ASIC2: variants seen among roughly 807,000 people sequenced by gnomAD.
The protein encoded by ASIC2 is acid-sensing ion channel 2.
Under a neutral mutation model 57.3 loss-of-function variants are expected in ASIC2, and 25 were observed. The observed-to-expected ratio is 0.44, with a 90% CI of 0.32 to 0.61. The LOEUF is 0.61. Among genes scored for constraint, ASIC2 ranks in the 20% least tolerant of loss-of-function variants. ASIC2 has a pLI of 0.06. For missense variants in ASIC2, 641 were observed against 738.1 expected (o/e 0.87, Z 1.52); for synonymous variants, 319 against 307.5 (o/e 1.04, Z -0.39).
chr17:34,046,317 G>C (rs1458384949), intron 1 of ASIC2, among the ~76,000 whole-genome samples: 1 of 152,208 alleles, frequency 6.6e-6, no homozygotes, highest in African/African-American at 2.4e-5. Flanking sequence ...AGGTGCCAGA[G>C]GTAAATGTTA....
At chr17:33,264,252 A>G (rs1213708024) in intron 1 of ASIC2, among the ~76,000 whole-genome samples, 1 of 152,238 alleles carries the variant, frequency 6.6e-6, no homozygotes. Context: ...GGGCACTTCC[A>G]TGGCAGCTCT....
intron 1 of ASIC2, among the ~76,000 whole-genome samples, chr17:33,304,759 C>G (rs1012555800): frequency 6.6e-6 from 1 of 152,150 alleles, no homozygotes; most frequent in Non-Finnish European, 1.5e-5. Flanking sequence ...ATAATAAAAA[C>G]AAACTCAGAT....
chr17:33,264,029 A>G (rs1240268873), intron 1 of ASIC2, among the ~76,000 whole-genome samples: 3 of 152,190 alleles, frequency 2.0e-5, no homozygotes, highest in African/African-American at 4.8e-5. Flanking sequence ...TGGACAAGTG[A>G]CTGAATCAAC....
intron 1 of ASIC2, among the ~76,000 whole-genome samples, chr17:33,245,281 C>T (rs553501370): frequency 3.3e-5 from 5 of 152,220 alleles, no homozygotes; most frequent in Admixed American, 1.3e-4. Flanking sequence ...GGAGCTATTA[C>T]GGAAATAGGA....
chr17:33,652,967 C>T (rs1906969355), intron 1 of ASIC2, among the ~76,000 whole-genome samples: 1 of 152,178 alleles, frequency 6.6e-6, no homozygotes, highest in East Asian at 1.9e-4. Flanking sequence ...GATTTGGAAT[C>T]CAATTCCAAT....
intron 1 of ASIC2, among the ~76,000 whole-genome samples, chr17:33,977,241 C>A (rs1164266991): frequency 6.6e-6 from 1 of 151,936 alleles, no homozygotes; most frequent in African/African-American, 2.4e-5. Flanking sequence ...TGCTGAAAAG[C>A]AATGGATATT....
At chr17:33,508,534 AAGCAAG>A (rs1166387380) in intron 1 of ASIC2, among the ~76,000 whole-genome samples, 7 of 152,166 alleles carry the variant, frequency 4.6e-5, no homozygotes, top group African/African-American at 1.7e-4. Context: ...GTTGGACCTC[AAGCAAG>A]AGTTTACCTC....
intron 1 of ASIC2, among the ~76,000 whole-genome samples, chr17:33,807,609 A>G (rs1490355068): frequency 1.3e-5 from 2 of 151,870 alleles, no homozygotes; most frequent in Non-Finnish European, 2.9e-5. Flanking sequence ...CCCTTTTCCT[A>G]AACTACCAAA....
chr17:33,560,304 C>T (rs1916034442), intron 1 of ASIC2, among the ~76,000 whole-genome samples: 1 of 152,202 alleles, frequency 6.6e-6, no homozygotes, highest in African/African-American at 2.4e-5. Context: ...GACGTCCTCC[C>T]TGATCAGAGA....
chr17:33,867,698 C>T (rs538057146), intron 1 of ASIC2, among the ~76,000 whole-genome samples: 1 of 152,304 alleles, frequency 6.6e-6, no homozygotes, highest in East Asian at 1.9e-4. Context: ...TGTTTTGGAG[C>T]CCCACGAAGA....
chr17:33,556,998 G>A (rs1047637553), intron 1 of ASIC2, among the ~76,000 whole-genome samples: 1 of 152,202 alleles, frequency 6.6e-6, no homozygotes, highest in Non-Finnish European at 1.5e-5. Flanking sequence ...CTATGCAAGA[G>A]CCCTTCTTGG....
At chr17:33,556,667 G>A (rs1379424335) in intron 1 of ASIC2, among the ~76,000 whole-genome samples, 1 of 152,232 alleles carries the variant, frequency 6.6e-6, no homozygotes, top group Non-Finnish European at 1.5e-5. Flanking sequence ...GGCCTCTGGA[G>A]CTAGAAAGTC....
chr17:33,164,236 GC>G (rs1023392431), intron 1 of ASIC2, among the ~76,000 whole-genome samples: 3 of 152,124 alleles, frequency 2.0e-5, no homozygotes, highest in African/African-American at 7.2e-5. Context: ...TTCCTGGCCT[GC>G]CCCATGCTCT....
At chr17:34,106,347 A>G (rs1911055175) in intron 1 of ASIC2, among the ~76,000 whole-genome samples, 1 of 152,050 alleles carries the variant, frequency 6.6e-6, no homozygotes. Context: ...TCTCTCATCA[A>G]AATACCCCTC....
chr17:33,096,126 AAG>A (rs1275192323), intron 2 of ASIC2, among the ~76,000 whole-genome samples: 4 of 152,228 alleles, frequency 2.6e-5, no homozygotes, highest in Non-Finnish European at 4.4e-5. Flanking sequence ...GAAAGCAAGA[AAG>A]AGAGAAACTC....
intron 1 of ASIC2, among the ~76,000 whole-genome samples, chr17:33,228,501 T>TGTG (rs1014557850): frequency 2.0e-5 from 3 of 152,214 alleles, no homozygotes; most frequent in Admixed American, 2.0e-4. Flanking sequence ...GGCACGTCCA[T>TGTG]GTGGTGTGAG....
intron 1 of ASIC2, among the ~76,000 whole-genome samples, chr17:33,285,994 G>A (rs539974181): frequency 6.6e-6 from 1 of 152,178 alleles, no homozygotes; most frequent in South Asian, 2.1e-4. Flanking sequence ...ATGGGTCTAA[G>A]CACCTCACAT....
chr17:33,350,184 CAT>C (rs1908105136), intron 1 of ASIC2, among the ~76,000 whole-genome samples: 1 of 152,164 alleles, frequency 6.6e-6, no homozygotes, highest in South Asian at 2.1e-4. Context: ...ATGCCCCAAA[CAT>C]GTATTTATTT....
At position 33,013,794 on chromosome 17, in the gene ASIC2, C is replaced by G. The variant is rs531265673; in HGVS notation, c.*171G>C. 4 of 637,222 alleles carry G rather than the reference C, an allele frequency of 6.3e-6. No individual in the cohort carries two copies. Among genetic ancestry groups the G allele is most frequent in the Admixed American group, 2.6e-5 (1 of 37,752 alleles). 39.5% of individuals were successfully genotyped at this position (637,222 alleles called of 1,614,324 possible). On this transcript the variant is annotated 3_prime_UTR_variant, in exon 10 of 10. Transcript: ENST00000225823. ...CGCACGGCGGGGCCCAAGGATGCGT[C>G]GTGTTGGACGTGGCCGGAGCGAGGT...
Sources: gnomAD v4.1 joint callset for allele counts (sites outside exome capture counted in the v4.1 genomes callset) on GRCh38, gnomAD v4.1.1 for gene constraint, MANE v1.5 for transcripts, NCBI Gene and HGNC (gene_info 2026-07-23, HGNC 2026-07-21) for gene names.